SCAPER: variants seen among roughly 807,000 people sequenced by gnomAD.
SCAPER encodes the protein S phase cyclin A-associated protein in the endoplasmic reticulum.
In SCAPER, 98 loss-of-function variants were observed where a neutral mutation model predicts 182.2. The ratio of observed to expected loss-of-function variants is 0.54; its 90% CI spans 0.46 to 0.64. The LOEUF is 0.64. SCAPER is among the 30% of genes least tolerant of loss of function. The pLI, the probability that SCAPER is intolerant of heterozygous loss-of-function variation, is 0.00. For missense variants in SCAPER, 1,432 were observed against 1,690.0 expected, an observed-to-expected ratio of 0.85 and a Z score of 2.68; for synonymous variants, 605 against 564.6, an observed-to-expected ratio of 1.07 and a Z score of -1.01.
chr15:76,554,874 G>A lies in SCAPER; in HGVS notation c.2838+19284C>T, dbSNP rs573949606. Among the ~76,000 whole-genome samples, 9 of 151,224 alleles carry A rather than the reference G, an allele frequency of 6.0e-5. No homozygotes were observed. In the South Asian group the frequency reaches 1.5e-3, roughly 25 times the overall value. On this transcript the variant is annotated intron_variant, in intron 23 of 31. Transcript: ENST00000563290. Reference sequence around the variant, plus strand: ...TCGGCTCACTGCAACTTCTGCCTACGGGGTTCAAGTGATTCTCCTGCCTCA... The same window carrying A: ...TCGGCTCACTGCAACTTCTGCCTACAGGGTTCAAGTGATTCTCCTGCCTCA...
At chr15:76,722,307 T>A (rs1194005414) in intron 17 of SCAPER, among the ~76,000 whole-genome samples, 1 of 152,310 alleles carries the variant, frequency 6.6e-6, no homozygotes, top group Non-Finnish European at 1.5e-5. Flanking sequence ...AGCTTTTCGA[T>A]GTGTTGCTGG....
intron 26 of SCAPER, among the ~76,000 whole-genome samples, chr15:76,431,513 A>G (rs775248213): frequency 6.6e-6 from 1 of 151,866 alleles, no homozygotes; most frequent in African/African-American, 2.4e-5. Flanking sequence ...CTCCTGCTCT[A>G]CTTCAGGGAT....
At chr15:76,497,989 C>CAAAAAAAAAAAAAAAA (rs747096625) in intron 24 of SCAPER, among the ~76,000 whole-genome samples, 5 of 58,328 alleles carry the variant, frequency 8.6e-5, no homozygotes, top group African/African-American at 3.2e-4. Flanking sequence ...GACTCCGTCT[C>CAAAAAAAAAAAAAAAA]AAAAAAAAAA....
chr15:76,462,386 C>G lies in SCAPER; in HGVS notation c.3078+8826G>C, dbSNP rs975551692. Among the ~76,000 whole-genome samples the G allele has an allele frequency of 1.2e-4, 19 of 152,242 alleles. 1 individual carries two copies. Among genetic ancestry groups the G allele is most frequent in the African/African-American group, 4.1e-4 (17 of 41,560 alleles). On this transcript the variant is annotated intron_variant, in intron 25 of 31. Transcript: ENST00000563290. ...TTATTCATCCATAACTGAAGCAGAA[C>G]TGGGTCATCTTCTATGATGTGGATT...
chr15:76,590,452 G>GC (rs1419608644), intron 22 of SCAPER, among the ~76,000 whole-genome samples: 1 of 152,120 alleles, frequency 6.6e-6, no homozygotes, highest in African/African-American at 2.4e-5. Flanking sequence ...AAATCAGAAT[G>GC]CACATAGACT....
chr15:76,820,150 A>G (rs2067417078), intron 5 of SCAPER, among the ~76,000 whole-genome samples: 2 of 152,104 alleles, frequency 1.3e-5, no homozygotes, highest in Non-Finnish European at 2.9e-5. Context: ...GGGACGGTAA[A>G]CTAGTTCAAC....
intron 26 of SCAPER, among the ~76,000 whole-genome samples, chr15:76,411,510 G>C (rs2045286013): frequency 2.6e-5 from 4 of 152,102 alleles, no homozygotes; most frequent in Admixed American, 2.6e-4. Flanking sequence ...GCTATGATTT[G>C]TTTGTTCCTT....
intron 22 of SCAPER, among the ~76,000 whole-genome samples, chr15:76,618,512 C>T (rs1037759164): frequency 1.3e-5 from 2 of 152,170 alleles, no homozygotes; most frequent in African/African-American, 4.8e-5. Flanking sequence ...AGCAAACTTA[C>T]TGTCCTGTGT....
At chr15:76,523,716 G>C (rs984661517) in intron 23 of SCAPER, among the ~76,000 whole-genome samples, 3 of 151,876 alleles carry the variant, frequency 2.0e-5, no homozygotes, top group African/African-American at 7.3e-5. Flanking sequence ...GAGTAATAAC[G>C]GTTTACTTTT....
At chr15:76,521,553 T>C (rs907566885) in intron 23 of SCAPER, among the ~76,000 whole-genome samples, 20 of 152,180 alleles carry the variant, frequency 1.3e-4, no homozygotes, top group Non-Finnish European at 2.4e-4. Context: ...AGTTCGGTTA[T>C]CCATTTGTGT....
chr15:76,541,950 T>G (rs1013392120), intron 23 of SCAPER, among the ~76,000 whole-genome samples: 5 of 152,214 alleles, frequency 3.3e-5, no homozygotes, highest in African/African-American at 1.2e-4. Flanking sequence ...CTTCCTAAAC[T>G]GTCAGATCAG....
rs568672186 is a variant in SCAPER, at chr15:76,732,652, G to A, written c.2022+577C>T. On this transcript the variant is annotated intron_variant, in intron 16 of 31. Coordinates refer to ENST00000563290, the MANE Select transcript of SCAPER (RefSeq NM_020843.4). ...GGGAAAGGGACTCTCCCTTTCCCCC[G>A]GGGAGTTTAGAGAAGACTCTACTCC... 7.9e-5 allele frequency among the ~76,000 whole-genome samples: 12 copies of A among 152,124 alleles called. No homozygotes were observed. The East Asian group carries it at 1.5e-3, about 20-fold the overall frequency.
Position 76,525,678 on chromosome 15 carries a change from AG to A in SCAPER, c.2839-20705del, listed in dbSNP as rs986198342. Among the ~76,000 whole-genome samples the A allele has an allele frequency of 6.0e-3, 906 of 152,268 alleles. 4 individuals carry two copies. Among genetic ancestry groups the A allele is most frequent in the African/African-American group, 0.021 (873 of 41,536 alleles). ...GATTATGGCCTTCATGTTGTTGCAA[AG>A]GACATGATTTCATTCTTTTTTATGG... On this transcript the variant is annotated intron_variant, in intron 23 of 31. Transcript: ENST00000563290.
rs74374524 is a variant in SCAPER at position 76,752,180 on chromosome 15, G to A, written c.1866+1628C>T. ...GAAATGCAAATCAAAACTACAACGA[G>A]ATACCAAATAACACACATCAGAATG... On this transcript the variant is annotated intron_variant, in intron 15 of 31. Transcript: ENST00000563290. Among the ~76,000 whole-genome samples the A allele has an allele frequency of 8.1e-3, 1,232 of 151,746 alleles. 13 individuals carry two copies. Among genetic ancestry groups the A allele is most frequent in the African/African-American group, 0.028 (1,168 of 41,478 alleles).
chr15:76,780,028 T>A (rs891565042), intron 8 of SCAPER, among the ~76,000 whole-genome samples: 1 of 152,098 alleles, frequency 6.6e-6, no homozygotes, highest in Non-Finnish European at 1.5e-5. Context: ...TTGTGACTGG[T>A]TGGACAGGAG....
chr15:76,475,208 C>A (rs2050527116), intron 24 of SCAPER, among the ~76,000 whole-genome samples: 1 of 152,060 alleles, frequency 6.6e-6, no homozygotes, highest in Non-Finnish European at 1.5e-5. Flanking sequence ...TACTTCTAGT[C>A]TTTTTCCTAT....
At chr15:76,524,789 T>C (rs969266170) in intron 23 of SCAPER, among the ~76,000 whole-genome samples, 3 of 151,120 alleles carry the variant, frequency 2.0e-5, no homozygotes, top group African/African-American at 4.9e-5. Context: ...AAAGTTAATT[T>C]TGAAAGATCT....
chr15:76,485,094 G>A (rs1305398047), intron 24 of SCAPER, among the ~76,000 whole-genome samples: 2 of 152,128 alleles, frequency 1.3e-5, no homozygotes, highest in Non-Finnish European at 1.5e-5. Flanking sequence ...ATTCAAATAC[G>A]AAGAGTGGAA....
chr15:76,373,674 C>G (rs2042341432), intron 29 of SCAPER, among the ~76,000 whole-genome samples: 2 of 152,216 alleles, frequency 1.3e-5, no homozygotes, highest in African/African-American at 2.4e-5. Context: ...GTATAATATT[C>G]TGGTAAGGAT....
Sources: allele counts gnomAD v4.1 joint callset (sites outside exome capture counted in the v4.1 genomes callset), GRCh38; gene constraint gnomAD v4.1.1; transcripts MANE v1.5; gene names NCBI Gene and HGNC (gene_info 2026-07-23, HGNC 2026-07-21).